The following SCAND3 variants were observed in gnomAD, a reference collection of about 807,000 sequenced individuals.
SCAND3 encodes the protein SCAN domain containing 3.
chr6:28,579,137 A>G, the SCAND3 span: 4 of 783,450 alleles, frequency 5.1e-6, no homozygotes, highest in South Asian at 7.2e-5. The surrounding 1 kb of genome is among the most constrained non-coding windows in gnomAD (Gnocchi z 4.5). Context: ...ACATTACACT[A>G]TACTGATTGG....
chr6:28,572,074 G>A, the SCAND3 span: 3 of 1,613,990 alleles, frequency 1.9e-6, no homozygotes, highest in South Asian at 3.3e-5. The surrounding 1 kb of genome is among the most constrained non-coding windows in gnomAD (Gnocchi z 4.1). Context: ...GTATGTTGAG[G>A]GGAAAAGAAG....
At chr6:28,593,854 G>A in the SCAND3 span, among the ~76,000 whole-genome samples, 2 of 151,874 alleles carry the variant, frequency 1.3e-5, no homozygotes, top group African/African-American at 2.4e-5. Context: ...GCAGGCATGC[G>A]CCACCATTCC....
the SCAND3 span, among the ~76,000 whole-genome samples, chr6:28,607,035 C>A: frequency 6.6e-6 from 1 of 152,208 alleles, no homozygotes; most frequent in Non-Finnish European, 1.5e-5. Context: ...TGTGCAGGAC[C>A]CAGCCTAGCT....
At chr6:28,597,471 GTAA>G in the SCAND3 span, among the ~76,000 whole-genome samples, 8 of 151,928 alleles carry the variant, frequency 5.3e-5, no homozygotes, top group Non-Finnish European at 1.0e-4. Flanking sequence ...AGTTAGTCCT[GTAA>G]TAATATATTT....
the SCAND3 span, chr6:28,573,757 T>C: frequency 6.3e-7 from 1 of 1,595,920 alleles, no homozygotes; most frequent in Non-Finnish European, 8.5e-7. Flanking sequence ...ATTTCTTTTA[T>C]TACTACTACT....
At chr6:28,577,440 G>A in the SCAND3 span, among the ~76,000 whole-genome samples, 1 of 152,012 alleles carries the variant, frequency 6.6e-6, no homozygotes, top group East Asian at 1.9e-4. Flanking sequence ...CCCCAAGCAT[G>A]GTAATAACAG....
the SCAND3 span, among the ~76,000 whole-genome samples, chr6:28,600,489 C>G: frequency 3.3e-5 from 5 of 151,924 alleles, no homozygotes; most frequent in Non-Finnish European, 7.4e-5. Flanking sequence ...AAAAATTAGG[C>G]GGGCATGGTG....
At chr6:28,588,471 CTT>C in the SCAND3 span, among the ~76,000 whole-genome samples, 2 of 152,140 alleles carry the variant, frequency 1.3e-5, no homozygotes, top group Non-Finnish European at 1.5e-5. This position sits in a 1 kb window ranked among gnomAD's most constrained non-coding sequence, Gnocchi z 4.1. Context: ...GTGATAGACA[CTT>C]ATAAAAAAAG....
At chr6:28,574,548 T>G in the SCAND3 span, 1 of 1,053,692 alleles carries the variant, frequency 9.5e-7, no homozygotes, top group African/African-American at 1.6e-5. Flanking sequence ...GTAATAAAAA[T>G]GTGCTTTCAT....
chr6:28,615,011 G>A, the SCAND3 span, among the ~76,000 whole-genome samples: 1 of 152,182 alleles, frequency 6.6e-6, no homozygotes, highest in Non-Finnish European at 1.5e-5. Context: ...AAGTCTAGAT[G>A]TAAATTAGGA....
the SCAND3 span, among the ~76,000 whole-genome samples, chr6:28,581,706 T>C: frequency 6.6e-6 from 1 of 152,170 alleles, no homozygotes; most frequent in Non-Finnish European, 1.5e-5. Context: ...ATCTCCCCTA[T>C]CCTATCAGGA....
chr6:28,585,758 A>ACT, the SCAND3 span, among the ~76,000 whole-genome samples: 3 of 152,310 alleles, frequency 2.0e-5, no homozygotes, highest in East Asian at 5.8e-4. Flanking sequence ...AGGCAAATAT[A>ACT]CTCCTTTAGA....
At chr6:28,590,043 G>A in the SCAND3 span, 1 of 152,076 alleles carries the variant, frequency 6.6e-6, no homozygotes, top group African/African-American at 2.4e-5. Context: ...GCCCCGGAGG[G>A]CTCGGGTCCC....
At chr6:28,586,688 G>C in the SCAND3 span, 3 of 1,613,896 alleles carry the variant, frequency 1.9e-6, no homozygotes, top group Non-Finnish European at 2.5e-6. The surrounding 1 kb of genome is among the most constrained non-coding windows in gnomAD (Gnocchi z 4.4). Context: ...GGCCAGCCAA[G>C]GCTGGGAAGA....
the SCAND3 span, among the ~76,000 whole-genome samples, chr6:28,582,295 T>C: frequency 3.9e-4 from 59 of 152,338 alleles, no homozygotes; most frequent in Middle Eastern, 3.4e-3. This position sits in a 1 kb window ranked among gnomAD's most constrained non-coding sequence, Gnocchi z 4.8. Context: ...TTAGTGTTAG[T>C]GTATTTTAGT....
chr6:28,572,608 T>A, the SCAND3 span: 1 of 1,614,018 alleles, frequency 6.2e-7, no homozygotes, highest in Non-Finnish European at 8.5e-7. The surrounding 1 kb of genome is among the most constrained non-coding windows in gnomAD (Gnocchi z 4.1). Context: ...ATTCACATCT[T>A]TAAAAAGTTG....
At chr6:28,593,242 G>T in the SCAND3 span, among the ~76,000 whole-genome samples, 1 of 151,822 alleles carries the variant, frequency 6.6e-6, no homozygotes, top group Non-Finnish European at 1.5e-5. Flanking sequence ...TACAAAATAG[G>T]CAAAGGACCT....
At chr6:28,605,707 A>T in the SCAND3 span, among the ~76,000 whole-genome samples, 2,839 of 150,496 alleles carry the variant, frequency 0.019, 38 homozygotes, top group African/African-American at 0.037. Flanking sequence ...TTAGCCAGGC[A>T]TAGTGGCAGG....
chr6:28,608,993 G>GA, the SCAND3 span, among the ~76,000 whole-genome samples: 4 of 149,552 alleles, frequency 2.7e-5, no homozygotes, highest in African/African-American at 7.4e-5. Context: ...AACACTGTCT[G>GA]AAAAAAAAGC....
Sources: gnomAD v4.1 joint callset for allele counts (sites outside exome capture counted in the v4.1 genomes callset) on GRCh38, gnomAD v4.1.1 for gene constraint, Gnocchi (gnomAD v3.1) non-coding constraint, MANE v1.5 for transcripts, NCBI Gene and HGNC (gene_info 2026-07-23, HGNC 2026-07-21) for gene names.